The following BDH1 variants were observed in gnomAD, a reference collection of about 807,000 sequenced individuals.
The protein encoded by BDH1 is D-beta-hydroxybutyrate dehydrogenase, mitochondrial.
In BDH1, 30 loss-of-function variants were observed where a neutral mutation model predicts 33.1. The ratio of observed to expected loss-of-function variants is 0.91; its 90% confidence interval spans 0.68 to 1.23. BDH1 has a LOEUF of 1.23. Ranked by LOEUF, BDH1 falls within the 50% of genes most tolerant of loss-of-function variation. The pLI, the probability that BDH1 is intolerant of heterozygous loss-of-function variation, is 0.00. For missense variants in BDH1, 443 were observed against 464.4 expected, an observed-to-expected ratio of 0.95 and a Z score of 0.42; for synonymous variants, 190 against 183.6, an observed-to-expected ratio of 1.03 and a Z score of -0.28.
intron 2 of BDH1, among the ~76,000 whole-genome samples, chr3:197,549,592 A>C (rs1716382726): frequency 6.6e-6 from 1 of 152,214 alleles, no homozygotes; most frequent in African/African-American, 2.4e-5. Flanking sequence ...TGAAGCCTAC[A>C]TGGGCCCTTG....
At position 197,520,874 on chromosome 3, in the gene BDH1, G is replaced by A. The variant is rs1415861721; in HGVS notation, c.409+1766C>T. ...TCTGCCTGTTAATTATTAAACAGATGTTCAGCGAGAACAGAGAACAGAGAG... is the reference window on the plus strand; with the variant it reads ...TCTGCCTGTTAATTATTAAACAGATATTCAGCGAGAACAGAGAACAGAGAG... On this transcript the variant is annotated intron_variant, in intron 6 of 7. Coordinates refer to ENST00000392379, the MANE Select transcript of BDH1 (RefSeq NM_203314.3). This position sits in a 1 kb window ranked among gnomAD's most constrained non-coding sequence, Gnocchi z 6.0. 2.6e-5 allele frequency among the ~76,000 whole-genome samples: 4 copies of A among 152,182 alleles called. No homozygotes were observed. The highest frequency in any genetic ancestry group is 5.9e-5 in the Non-Finnish European group (4 of 68,038).
intron 4 of BDH1, among the ~76,000 whole-genome samples, chr3:197,533,238 C>CG (rs1714848380): frequency 1.3e-5 from 2 of 151,830 alleles, no homozygotes; most frequent in African/African-American, 4.9e-5. Context: ...TCGCCCCCCA[C>CG]CTAGGCCTCC....
intron 2 of BDH1, 131 bp from the exon 3 acceptor site, chr3:197,546,617 C>T: frequency 3.3e-6 from 2 of 602,000 alleles, no homozygotes; most frequent in Non-Finnish European, 5.9e-6. Context: ...GTCCTGGTAC[C>T]ACCAGGTAGT....
intron 1 of BDH1, among the ~76,000 whole-genome samples, chr3:197,570,937 G>C (rs1477845603): frequency 1.3e-5 from 2 of 152,218 alleles, no homozygotes; most frequent in Non-Finnish European, 2.9e-5. Flanking sequence ...GCCTGGAAAA[G>C]TCACAGACAC....
rs1206077046 is a variant in BDH1, at chr3:197,526,712, C to T, written c.268-3931G>A. On this transcript the variant is annotated intron_variant, in intron 5 of 7. Coordinates refer to ENST00000392379, the MANE Select transcript of BDH1 (RefSeq NM_203314.3). This position sits in a 1 kb window ranked among gnomAD's most constrained non-coding sequence, Gnocchi z 4.7. ...ACAGGGCCAGGCAACTGTTTCCTGC[C>T]CAGGTAGAAGGATAGCCCTCTCCCG... Among the ~76,000 whole-genome samples, 1 of 152,214 alleles carries T rather than the reference C, an allele frequency of 6.6e-6. No homozygotes were observed. The highest frequency in any genetic ancestry group is 1.5e-5 in the Non-Finnish European group (1 of 68,050).
Position 197,522,674 on chromosome 3 carries a change from C to T in BDH1, c.375G>A (p.Glu125=), listed in dbSNP as rs1195192594. ...CSSEEVEKVV[E]IVRSSLKDPE... Reference sequence around the variant, plus strand: ...GGTCCTTCAGGCTCGAGCGGACAATCTCCACCACTTTCTCCACCTCTTCGC... The same window carrying T: ...GGTCCTTCAGGCTCGAGCGGACAATTTCCACCACTTTCTCCACCTCTTCGC... The change falls in exon 6 of 8, where the codon GAG becomes GAA. Residue 125 remains glutamate (E), a synonymous_variant. Coordinates refer to ENST00000392379, the MANE Select transcript of BDH1 (RefSeq NM_203314.3). This position sits in a 1 kb window ranked among gnomAD's most constrained non-coding sequence, Gnocchi z 4.8. 1 of 1,614,232 alleles carries T rather than the reference C, an allele frequency of 6.2e-7. No individual in the cohort carries two copies. Among genetic ancestry groups the T allele is most frequent in the South Asian group, 1.1e-5 (1 of 91,086 alleles).
At chr3:197,566,151 T>A (rs1717425345) in intron 1 of BDH1, among the ~76,000 whole-genome samples, 1 of 152,246 alleles carries the variant, frequency 6.6e-6, no homozygotes, top group Non-Finnish European at 1.5e-5. Flanking sequence ...GTGTGAGTAT[T>A]CTTATGACAA....
intron 6 of BDH1, chr3:197,515,630 T>G: frequency 1.0e-6 from 1 of 985,562 alleles, no homozygotes; most frequent in Non-Finnish European, 1.2e-6. Context: ...AACAAATGTG[T>G]GTTAGATGAA....
chr3:197,560,002 A>G (rs998531655), upstream of BDH1, among the ~76,000 whole-genome samples: 1 of 152,240 alleles, frequency 6.6e-6, no homozygotes, highest in African/African-American at 2.4e-5. Flanking sequence ...GTTCAGGTAC[A>G]AGGCCTCAGG....
Position 197,532,436 on chromosome 3 carries a change from A to G in BDH1, c.243T>C (p.Leu81=). ...CCTTCATCAAGCAGCCAGCAAACACAAGGAAGCCTTTTGAATGCAGATGCT... is the reference window on the plus strand; with the variant it reads ...CCTTCATCAAGCAGCCAGCAAACACGAGGAAGCCTTTTGAATGCAGATGCT... ...LAKHLHSKGF[L]VFAGCLMKDK... is the part of the protein sequence containing the mutation. Residue 81 remains leucine (L), a synonymous_variant, in exon 5 of 8, where the codon CTT becomes CTC. Transcript: ENST00000392379. 2 of 1,614,186 alleles carry G rather than the reference A, an allele frequency of 1.2e-6. No homozygotes were observed. The highest frequency in any genetic ancestry group is 1.7e-6 in the Non-Finnish European group (2 of 1,179,996).
intron 3 of BDH1, chr3:197,538,687 C>T (rs1715358353): frequency 5.1e-6 from 1 of 194,778 alleles, no homozygotes; most frequent in Admixed American, 5.6e-5. Context: ...AATATATTAC[C>T]TATTCAACAT....
rs948055812 is a variant in BDH1, at chr3:197,523,058, G to A, written c.268-277C>T. ...AGACAGGATTCCTTCTCCAAGCAGG[G>A]GTTGCAAACTTATGTGGGGCAGGCG... On this transcript the variant is annotated intron_variant, in intron 5 of 7. Coordinates refer to ENST00000392379, the MANE Select transcript of BDH1 (RefSeq NM_203314.3). The surrounding 1 kb of genome is among the most constrained non-coding windows in gnomAD (Gnocchi z 4.5). The A allele has an allele frequency of 6.9e-6, 3 of 431,856 alleles. No homozygotes were observed. Among genetic ancestry groups the A allele is most frequent in the Middle Eastern group, 1.2e-3 (2 of 1,718 alleles). The allele number at this position is 431,856 out of a possible 1,614,324, so 26.8% of individuals were successfully genotyped here.
At chr3:197,548,185 C>T (rs890609531) in intron 2 of BDH1, among the ~76,000 whole-genome samples, 5 of 152,322 alleles carry the variant, frequency 3.3e-5, no homozygotes, top group Non-Finnish European at 5.9e-5. Flanking sequence ...CCATGGAAAG[C>T]TCCTTGCAGA....
intron 2 of BDH1, among the ~76,000 whole-genome samples, chr3:197,547,456 G>C (rs574905001): frequency 6.6e-6 from 1 of 152,372 alleles, no homozygotes; most frequent in Non-Finnish European, 1.5e-5. Context: ...CCAGAGGTCA[G>C]CAGTGTTAAC....
intron 3 of BDH1, among the ~76,000 whole-genome samples, chr3:197,536,060 T>G (rs2108746979): frequency 6.6e-6 from 1 of 150,976 alleles, no homozygotes; most frequent in South Asian, 2.1e-4. Flanking sequence ...AAAAAAAAAG[T>G]TTTATAGTTT....
intron 2 of BDH1, among the ~76,000 whole-genome samples, chr3:197,551,483 G>A (rs1213798722): frequency 6.6e-6 from 1 of 152,120 alleles, no homozygotes; most frequent in East Asian, 1.9e-4. Flanking sequence ...CTGATGGACA[G>A]TTAGGTTGCT....
chr3:197,572,309 CGAAG>C (rs1343716330), intron 1 of BDH1, among the ~76,000 whole-genome samples: 1 of 152,128 alleles, frequency 6.6e-6, no homozygotes, highest in Non-Finnish European at 1.5e-5. Context: ...AATGAATTTA[CGAAG>C]GCTCCAAAGG....
chr3:197,543,895 G>A (rs1715870513), intron 3 of BDH1, among the ~76,000 whole-genome samples: 1 of 152,164 alleles, frequency 6.6e-6, no homozygotes, highest in Admixed American at 6.5e-5. Context: ...TGCAGGGGCA[G>A]ACCCAAGAAC....
upstream of BDH1, among the ~76,000 whole-genome samples, chr3:197,557,248 T>C (rs932808373): frequency 4.6e-5 from 7 of 152,216 alleles, no homozygotes; most frequent in African/African-American, 1.7e-4. The surrounding 1 kb of genome is among the most constrained non-coding windows in gnomAD (Gnocchi z 4.6). Context: ...TGTCAGGACT[T>C]CCTGAGGCCA....
Sources: gnomAD v4.1 joint callset for allele counts (sites outside exome capture counted in the v4.1 genomes callset) on GRCh38, gnomAD v4.1.1 for gene constraint, Gnocchi (gnomAD v3.1) non-coding constraint, MANE v1.5 for transcripts, NCBI Gene and HGNC (gene_info 2026-07-23, HGNC 2026-07-21) for gene names.